SHOC2: variants seen among roughly 807,000 people sequenced by gnomAD.
SHOC2 encodes the protein SHOC2 leucine rich repeat scaffold protein, also known as leucine-rich repeat protein SHOC-2.
In SHOC2, 4 loss-of-function variants were observed where a neutral mutation model predicts 50.2. The ratio of observed to expected loss-of-function variants is 0.08; its 90% CI spans 0.04 to 0.18. SHOC2 has a LOEUF of 0.18. SHOC2 is among the 10% of genes least tolerant of loss of function. SHOC2 has a pLI of 1.00. For synonymous variants in SHOC2, 218 were observed against 244.5 expected (o/e 0.89, Z 1.01); for missense variants, 388 against 669.6 (o/e 0.58, Z 4.64).
chr10:110,942,131 T>TCTGGAAAATA (rs59267372), intron 1 of SHOC2, among the ~76,000 whole-genome samples: 114,747 of 151,436 alleles, frequency 0.76, 43,734 homozygotes, highest in Admixed American at 0.85. Flanking sequence ...ACATTGGTCT[T>TCTGGAAAATA]CTGGCTCTTT....
At chr10:110,956,921 AG>A (rs1847475700) in intron 1 of SHOC2, among the ~76,000 whole-genome samples, 1 of 152,078 alleles carries the variant, frequency 6.6e-6, no homozygotes, top group Non-Finnish European at 1.5e-5. Flanking sequence ...CTATATTTGT[AG>A]CCTCTTTAAT....
At chr10:110,968,732 T>C (rs191536851) in intron 2 of SHOC2, among the ~76,000 whole-genome samples, 14 of 152,146 alleles carry the variant, frequency 9.2e-5, no homozygotes, top group South Asian at 2.1e-4. Flanking sequence ...AGCCCAGGAG[T>C]TGGCTGGGCA....
chr10:111,011,869 T>G lies in SHOC2; in HGVS notation c.*51T>G. 1 of 1,362,310 alleles carries G rather than the reference T, an allele frequency of 7.3e-7. No individual in the cohort carries two copies. Among genetic ancestry groups the G allele is most frequent in the Non-Finnish European group, 1.1e-6 (1 of 952,118 alleles). The allele number at this position is 1,362,310 out of a possible 1,614,324, so 84.4% of individuals were successfully genotyped here. The stretch of plus-strand genomic sequence containing the variant: ...GTTCAAAAATAGACTGCCATTAATG[T>G]TTCTTATCTATATCTGTATCTATTT... On this transcript the variant is annotated 3_prime_UTR_variant, in exon 9 of 9. Transcript: ENST00000369452.
chr10:110,956,324 C>T (rs972668294), intron 1 of SHOC2, among the ~76,000 whole-genome samples: 11 of 152,170 alleles, frequency 7.2e-5, no homozygotes, highest in Admixed American at 6.5e-4. Flanking sequence ...AGTGATTCTC[C>T]TGCTCAGTCT....
At chr10:110,989,869 G>A (rs1465583700) in intron 3 of SHOC2, among the ~76,000 whole-genome samples, 1 of 152,106 alleles carries the variant, frequency 6.6e-6, no homozygotes, top group Non-Finnish European at 1.5e-5. Flanking sequence ...TATATATTCA[G>A]TGTATATTCA....
chr10:110,952,294 T>G (rs1847369704), intron 1 of SHOC2, among the ~76,000 whole-genome samples: 1 of 152,188 alleles, frequency 6.6e-6, no homozygotes, highest in Non-Finnish European at 1.5e-5. Flanking sequence ...ACAAGCGAAG[T>G]CTTCCCTGCC....
chr10:110,957,981 T>G (rs764374038), intron 1 of SHOC2, among the ~76,000 whole-genome samples: 1 of 152,150 alleles, frequency 6.6e-6, no homozygotes, highest in African/African-American at 2.4e-5. Context: ...CTCTTATTCC[T>G]CCTCCCTTCA....
At chr10:110,946,989 A>G (rs1020960171) in intron 1 of SHOC2, among the ~76,000 whole-genome samples, 6 of 152,338 alleles carry the variant, frequency 3.9e-5, no homozygotes, top group African/African-American at 1.4e-4. Context: ...TACCTTCACA[A>G]GAGCTAAGGA....
At chr10:110,962,239 A>G (rs1385368354) in intron 1 of SHOC2, among the ~76,000 whole-genome samples, 5 of 152,116 alleles carry the variant, frequency 3.3e-5, no homozygotes, top group South Asian at 2.1e-4. Context: ...TAGGGTATAC[A>G]TATCTTGCTA....
intron 2 of SHOC2, among the ~76,000 whole-genome samples, chr10:110,965,802 ATTAG>A (rs145461329): frequency 9.9e-4 from 151 of 152,262 alleles, no homozygotes; most frequent in African/African-American, 3.5e-3. Flanking sequence ...AAAATTAAAA[ATTAG>A]TTCTGGCATT....
intron 1 of SHOC2, among the ~76,000 whole-genome samples, chr10:110,946,481 G>A (rs1441269274): frequency 2.0e-5 from 3 of 150,988 alleles, no homozygotes; most frequent in African/African-American, 7.3e-5. Flanking sequence ...AAATAAATAA[G>A]TAAATATATT....
At chr10:110,937,256 C>T (rs765989466) in intron 1 of SHOC2, 7 of 926,336 alleles carry the variant, frequency 7.6e-6, no homozygotes, top group Non-Finnish European at 1.2e-5. Context: ...CTTGGGAAAG[C>T]TGCTTTTTTT....
chr10:111,006,807 A>G (rs1455230394), intron 5 of SHOC2, among the ~76,000 whole-genome samples: 2 of 152,232 alleles, frequency 1.3e-5, no homozygotes, highest in Non-Finnish European at 2.9e-5. Flanking sequence ...CCCAATACCA[A>G]TACCCCTAAC....
chr10:110,932,976 A>G (rs192030778), intron 1 of SHOC2, among the ~76,000 whole-genome samples: 18 of 152,350 alleles, frequency 1.2e-4, no homozygotes, highest in Non-Finnish European at 2.4e-4. Context: ...AGAGTGAGTC[A>G]TATCATTCCA....
chr10:111,007,823 G>A (rs185876359), intron 6 of SHOC2, among the ~76,000 whole-genome samples, 170 bp downstream of exon 6: 2 of 152,208 alleles, frequency 1.3e-5, no homozygotes, highest in East Asian at 3.9e-4. Flanking sequence ...GACTTAGGTA[G>A]TCTAGATTCA....
intron 1 of SHOC2, among the ~76,000 whole-genome samples, chr10:110,926,251 T>C (rs1314504677): frequency 6.6e-6 from 1 of 152,240 alleles, no homozygotes; most frequent in Non-Finnish European, 1.5e-5. Context: ...GCATTGAGTA[T>C]GTCTGTCTTA....
chr10:111,000,568 C>T (rs769718824), intron 4 of SHOC2, 23 bp downstream of exon 4: 13 of 1,596,252 alleles, frequency 8.1e-6, no homozygotes, highest in South Asian at 4.4e-5. Context: ...TTAGAGAAAA[C>T]AAGATTTGAA....
chr10:111,011,232 G>A (rs1427850019), intron 8 of SHOC2, among the ~76,000 whole-genome samples: 1 of 152,090 alleles, frequency 6.6e-6, no homozygotes, highest in Non-Finnish European at 1.5e-5. Flanking sequence ...TATATAATAA[G>A]CTCACCTTTG....
intron 2 of SHOC2, among the ~76,000 whole-genome samples, chr10:110,981,125 A>T (rs1238381518): frequency 6.6e-6 from 1 of 152,190 alleles, no homozygotes; most frequent in African/African-American, 2.4e-5. Flanking sequence ...GGCCATGAAG[A>T]TCCAAAAGAA....
Sources: allele counts gnomAD v4.1 joint callset (sites outside exome capture counted in the v4.1 genomes callset), GRCh38; gene constraint gnomAD v4.1.1; transcripts MANE v1.5; gene names NCBI Gene and HGNC (gene_info 2026-07-23, HGNC 2026-07-21).